The following JPH2 variants were observed in gnomAD, a reference collection of about 807,000 sequenced individuals.
JPH2 encodes the protein junctophilin 2.
JPH2 carries 38 observed loss-of-function variants against 55.9 expected under a neutral mutation model. The observed-to-expected ratio is 0.68, with a 90% CI of 0.52 to 0.89. The LOEUF (loss-of-function observed/expected upper bound fraction) is 0.89, where lower values mean the gene tolerates loss of function less well. Ranked by LOEUF, JPH2 falls within the 40% of genes least tolerant of loss-of-function variation. JPH2 has a pLI of 0.00. For synonymous variants in JPH2, 480 were observed against 472.4 expected, an observed-to-expected ratio of 1.02 and a Z score of -0.21; for missense variants, 964 against 1,037.6, an observed-to-expected ratio of 0.93 and a Z score of 0.97.
chr20:44,144,203 G>A (rs1404866347), intron 2 of JPH2, among the ~76,000 whole-genome samples: 6 of 152,238 alleles, frequency 3.9e-5, no homozygotes. Flanking sequence ...AGGAAGTCAA[G>A]TGGAAGTTGG....
rs3746568 is a variant in JPH2, at chr20:44,109,950, T to G, written c.*3568A>C. Among the ~76,000 whole-genome samples the G allele has an allele frequency of 0.53, 80,952 of 151,934 alleles. 22,893 individuals carry two copies. The highest frequency in any genetic ancestry group is 0.74 in the African/African-American group (30,683 of 41,440). ...TCAAGGCAGTGGGCCAGCATTGCTT[T>G]TAAGTTCATGCATGGTACAAACCAC... is the stretch of plus-strand genomic sequence containing the variant. On this transcript the variant is annotated 3_prime_UTR_variant, in exon 6 of 6. Transcript: ENST00000372980.
At chr20:44,172,135 A>G (rs1347861540) in intron 1 of JPH2, among the ~76,000 whole-genome samples, 3 of 152,170 alleles carry the variant, frequency 2.0e-5, no homozygotes, top group African/African-American at 7.2e-5. Context: ...CTTTCACTTC[A>G]TGGGAAAAGA....
chr20:44,116,474 T>A (rs1480922733), intron 3 of JPH2, 88 bp from the exon 4 acceptor site: 5 of 1,468,978 alleles, frequency 3.4e-6, no homozygotes, highest in Non-Finnish European at 4.6e-6. Flanking sequence ...TCGAGCCTCA[T>A]TCATGGGCTC....
chr20:44,182,623 C>T (rs1204917331), intron 1 of JPH2, among the ~76,000 whole-genome samples: 2 of 152,200 alleles, frequency 1.3e-5, no homozygotes, highest in African/African-American at 4.8e-5. Context: ...AACAGGATTC[C>T]CTCTGCCTGA....
chr20:44,129,712 G>C (rs2072303360), intron 2 of JPH2, among the ~76,000 whole-genome samples: 1 of 152,150 alleles, frequency 6.6e-6, no homozygotes, highest in African/African-American at 2.4e-5. Context: ...GGCAAAGAGG[G>C]CTTTGCAGGT....
At chr20:44,185,280 C>A (rs1203292886) in intron 1 of JPH2, among the ~76,000 whole-genome samples, 1 of 152,110 alleles carries the variant, frequency 6.6e-6, no homozygotes, top group African/African-American at 2.4e-5. Flanking sequence ...GCACTTCAGC[C>A]TGAGCAACAA....
At chr20:44,130,015 A>T (rs1445053738) in intron 2 of JPH2, among the ~76,000 whole-genome samples, 1 of 152,182 alleles carries the variant, frequency 6.6e-6, no homozygotes, top group Non-Finnish European at 1.5e-5. Context: ...GTAAAAGAAT[A>T]TATCTGTATT....
intron 1 of JPH2, among the ~76,000 whole-genome samples, chr20:44,162,600 T>G (rs4432521): frequency 0.33 from 50,455 of 151,120 alleles, 9,460 homozygotes; most frequent in African/African-American, 0.51. Context: ...CTTCCTCCCA[T>G]GCTGCTGGAT....
At chr20:44,144,849 G>C (rs76701725) in intron 2 of JPH2, among the ~76,000 whole-genome samples, 7,969 of 152,124 alleles carry the variant, frequency 0.052, 267 homozygotes, top group East Asian at 0.12. Flanking sequence ...GGTGAGAAGG[G>C]GGCACTCAGA....
At chr20:44,168,310 T>C (rs559774753) in intron 1 of JPH2, among the ~76,000 whole-genome samples, 108 of 152,264 alleles carry the variant, frequency 7.1e-4, no homozygotes, top group African/African-American at 2.5e-3. Context: ...TTTTTAAAAA[T>C]TCACACAAAA....
chr20:44,162,019 T>C lies in JPH2; in HGVS notation c.380-1612A>G, dbSNP rs899034584. Among the ~76,000 whole-genome samples, 3 of 152,142 alleles carry C rather than the reference T, an allele frequency of 2.0e-5. No homozygotes were observed. The East Asian group carries it at 5.8e-4, about 29-fold the overall frequency. On this transcript the variant is annotated intron_variant, in intron 1 of 5. Transcript: ENST00000372980. ...CTGGGCCACAGTCCTGGTCTTTCTT[T>C]CCCACAGCAGTGCTGCTGAAAGGCA...
In JPH2 at chr20:44,115,731, C is replaced by T. The variant is rs768347557; in HGVS notation, c.1944G>A (p.Ala648=). The change falls in exon 4 of 6, where the codon GCG becomes GCA. Residue 648 remains alanine (A), a synonymous_variant. Transcript: ENST00000372980. The stretch of plus-strand genomic sequence containing the variant: ...CCTTCCGCGCCTTCTTCTTGGCCCC[C>T]GCCTTGGTCAGCCCTCGAGCCTCAG... ...RKTEARGLTK[A]GAKKKARKEA... is the part of the protein sequence containing the mutation. 11 of 1,613,576 alleles carry T rather than the reference C, an allele frequency of 6.8e-6. No individual in the cohort carries two copies. The highest frequency in any genetic ancestry group is 3.4e-4 in the Middle Eastern group (2 of 5,864).
At position 44,159,636 on chromosome 20, in the gene JPH2, G is replaced by C; in HGVS notation, c.1151C>G (p.Ala384Gly). ...QRAAAIARQKAEIAASRTSHA... is the reference protein window; with the variant it reads ...QRAAAIARQKGEIAASRTSHA... Reference sequence around the variant, plus strand: ...GTCCTACCTGGAGGCGGCAATCTCGGCCTTCTGGCGCGCGATAGCAGCGGC... The same window carrying C: ...GTCCTACCTGGAGGCGGCAATCTCGCCCTTCTGGCGCGCGATAGCAGCGGC... The change falls in exon 2 of 6, where the codon GCC becomes GGC. Residue 384 changes from alanine to glycine, a missense_variant. Ala to Gly is a moderately conservative substitution (Grantham distance 60, BLOSUM62 0). Coordinates refer to ENST00000372980, the MANE Select transcript of JPH2 (RefSeq NM_020433.5). The surrounding 1 kb of genome is among the most constrained non-coding windows in gnomAD (Gnocchi z 5.7). The C allele has an allele frequency of 6.2e-7, 1 of 1,604,698 alleles. No individual in the cohort carries two copies.
At chr20:44,132,363 C>G (rs866295573) in intron 2 of JPH2, among the ~76,000 whole-genome samples, 1 of 91,852 alleles carries the variant, frequency 1.1e-5, no homozygotes, top group Non-Finnish European at 2.3e-5. Context: ...CAGACACACA[C>G]ACACACACAC....
At chr20:44,146,434 G>A (rs556241276) in intron 2 of JPH2, among the ~76,000 whole-genome samples, 61 of 152,198 alleles carry the variant, frequency 4.0e-4, no homozygotes, top group African/African-American at 1.4e-3. Flanking sequence ...GCTGCCTCAT[G>A]TATGTCTCGA....
chr20:44,160,485 G>C lies in JPH2; in HGVS notation c.380-78C>G. 1 of 1,488,544 alleles carries C rather than the reference G, an allele frequency of 6.7e-7. No homozygotes were observed. The highest frequency in any genetic ancestry group is 9.2e-7 in the Non-Finnish European group (1 of 1,090,796). The allele number at this position is 1,488,544 out of a possible 1,614,324, so 92.2% of individuals were successfully genotyped here. On this transcript the variant is annotated intron_variant, in intron 1 of 5. Coordinates refer to ENST00000372980, the MANE Select transcript of JPH2 (RefSeq NM_020433.5). This position sits in a 1 kb window ranked among gnomAD's most constrained non-coding sequence, Gnocchi z 4.9. ...TGCACGGTGGCCTGGGAGGGCAAGG[G>C]CGGGAGTGGGCAAGGCGGGGTGGGA...
chr20:44,148,807 T>C (rs1171383224), intron 2 of JPH2, among the ~76,000 whole-genome samples: 1 of 152,084 alleles, frequency 6.6e-6, no homozygotes, highest in Admixed American at 6.5e-5. Context: ...CTCACGCCTG[T>C]AATCCCAGCA....
In JPH2 at chr20:44,116,195, G is replaced by T. The variant is rs1167574783; in HGVS notation, c.1480C>A (p.Pro494Thr). Residue 494 changes from proline (P) to threonine (T), a missense_variant, in exon 4 of 6, where the codon CCC (proline) becomes ACC (threonine). Coordinates refer to ENST00000372980, the MANE Select transcript of JPH2 (RefSeq NM_020433.5). ...GACACCCCGGGCCTGGGCCGCTTGGGCTGCGGGGGCGTCCCGGCCGGTGAC... is the reference window on the plus strand; with the variant it reads ...GACACCCCGGGCCTGGGCCGCTTGGTCTGCGGGGGCGTCCCGGCCGGTGAC... Reference protein sequence around the residue: ...SPSPAGTPPQPKRPRPGVSKD... With the variant: ...SPSPAGTPPQTKRPRPGVSKD... The T allele has an allele frequency of 1.4e-6, 2 of 1,389,934 alleles. No homozygotes were observed. Among genetic ancestry groups the T allele is most frequent in the South Asian group, 3.3e-5 (2 of 60,828 alleles). The allele number at this position is 1,389,934 out of a possible 1,614,324, so 86.1% of individuals were successfully genotyped here.
At chr20:44,161,582 C>T (rs2072610191) in intron 1 of JPH2, among the ~76,000 whole-genome samples, 1 of 152,046 alleles carries the variant, frequency 6.6e-6, no homozygotes, top group South Asian at 2.1e-4. Flanking sequence ...CTGCCTCTTA[C>T]CTCCTAGGGT....
Sources: gnomAD v4.1 joint callset for allele counts (sites outside exome capture counted in the v4.1 genomes callset) on GRCh38, gnomAD v4.1.1 for gene constraint, Gnocchi (gnomAD v3.1) non-coding constraint, MANE v1.5 for transcripts, NCBI Gene and HGNC (gene_info 2026-07-23, HGNC 2026-07-21) for gene names.